ROBO2: variants seen among roughly 807,000 people sequenced by gnomAD.
ROBO2 encodes roundabout homolog 2.
ROBO2 carries 53 observed loss-of-function variants against 160.8 expected under a neutral mutation model. The ratio of observed to expected loss-of-function variants is 0.33; its 90% CI spans 0.26 to 0.41. The LOEUF (loss-of-function observed/expected upper bound fraction) is 0.41. Ranked by LOEUF, ROBO2 falls within the 10% of genes least tolerant of loss-of-function variation. The pLI, the probability that ROBO2 is intolerant of heterozygous loss-of-function variation, is 1.00. For missense variants in ROBO2, 1,577 were observed against 1,722.4 expected (o/e 0.92, Z 1.49); for synonymous variants, 664 against 611.7 (o/e 1.09, Z -1.26).
intron 2 of ROBO2, among the ~76,000 whole-genome samples, chr3:76,056,831 G>T (rs78777563): frequency 0.025 from 3,804 of 152,244 alleles, 142 homozygotes; most frequent in African/African-American, 0.08. Context: ...CCCTATAATA[G>T]AGGAAAGTGT....
rs1203185424 is a variant in ROBO2, at chr3:77,535,554, CA to C, written c.935-10781del. 3.3e-5 allele frequency among the ~76,000 whole-genome samples: 5 copies of C among 152,176 alleles called. No homozygotes were observed. In the East Asian group the frequency reaches 9.7e-4, roughly 29 times the overall value. ...AAAAATGAGATCATTTCTTTACAAA[CA>C]AAGAGTTAATTTCTCTAATAATGAA... On this transcript the variant is annotated intron_variant, in intron 6 of 25. Transcript: ENST00000461745.
chr3:76,090,324 C>T (rs2069179469), intron 2 of ROBO2, among the ~76,000 whole-genome samples: 1 of 151,980 alleles, frequency 6.6e-6, no homozygotes, highest in South Asian at 2.1e-4. Flanking sequence ...TGCCTGTAAT[C>T]CCAGCTGCTC....
At chr3:76,445,733 A>G (rs187703225) in intron 2 of ROBO2, among the ~76,000 whole-genome samples, 135 of 152,334 alleles carry the variant, frequency 8.9e-4, no homozygotes, top group Non-Finnish European at 1.7e-3. Flanking sequence ...GGCTGGTTCA[A>G]CATACGAAAA....
At chr3:76,080,881 C>G (rs543580864) in intron 2 of ROBO2, among the ~76,000 whole-genome samples, 1 of 152,178 alleles carries the variant, frequency 6.6e-6, no homozygotes, top group Non-Finnish European at 1.5e-5. Flanking sequence ...TATTTTTAAT[C>G]CTTGATTTTG....
intron 2 of ROBO2, among the ~76,000 whole-genome samples, chr3:76,746,722 G>A (rs990400763): frequency 2.6e-5 from 4 of 152,066 alleles, no homozygotes; most frequent in Non-Finnish European, 4.4e-5. Flanking sequence ...CGTGTGCCAC[G>A]GTGGTTTGCT....
At chr3:77,077,496 C>T (rs1208527216) in intron 1 of ROBO2, among the ~76,000 whole-genome samples, 3 of 152,100 alleles carry the variant, frequency 2.0e-5, no homozygotes, top group African/African-American at 7.2e-5. Flanking sequence ...AAGTGACCGG[C>T]AAGCCTTGTC....
At chr3:76,980,712 T>C (rs572721207) in intron 2 of ROBO2, among the ~76,000 whole-genome samples, 30 of 152,280 alleles carry the variant, frequency 2.0e-4, no homozygotes, top group African/African-American at 7.2e-4. Flanking sequence ...ATAATTCACA[T>C]GCCAAAAAAC....
Position 77,168,649 on chromosome 3 carries a change from A to G in ROBO2, c.388+70309A>G, listed in dbSNP as rs188449533. On this transcript the variant is annotated intron_variant, in intron 2 of 25. Coordinates refer to ENST00000461745, the Ensembl canonical transcript of ROBO2. ...TAGAGCAGATACCATTCCAGTTTTA[A>G]TTTTTTGCCCCGACTCCTAGTAAGT... Among the ~76,000 whole-genome samples, 523 of 152,192 alleles carry G rather than the reference A, an allele frequency of 3.4e-3. 2 individuals are homozygous for G. The highest frequency in any genetic ancestry group is 0.011 in the South Asian group (53 of 4,808).
At chr3:77,459,041 T>G (rs1210516374) in intron 2 of ROBO2, among the ~76,000 whole-genome samples, 1 of 152,180 alleles carries the variant, frequency 6.6e-6, no homozygotes, top group African/African-American at 2.4e-5. Context: ...TAGACACTGT[T>G]TTATTCCACC....
chr3:77,471,459 ACTGAGGG>A (rs2083339990), intron 2 of ROBO2, among the ~76,000 whole-genome samples: 1 of 152,178 alleles, frequency 6.6e-6, no homozygotes, highest in Non-Finnish European at 1.5e-5. Context: ...GGGTTTTTGG[ACTGAGGG>A]CCTTGGTTTC....
intron 5 of ROBO2, among the ~76,000 whole-genome samples, chr3:77,499,649 C>T (rs1311059024): frequency 2.7e-5 from 4 of 146,510 alleles, no homozygotes; most frequent in Non-Finnish European, 6.0e-5. Context: ...GTATCACTTA[C>T]GCTTTTTTTT....
intron 2 of ROBO2, among the ~76,000 whole-genome samples, chr3:76,691,073 T>C (rs1241228843): frequency 6.6e-6 from 1 of 151,934 alleles, no homozygotes; most frequent in Non-Finnish European, 1.5e-5. Context: ...GAACAATAAT[T>C]AACCAAGAAT....
chr3:77,215,687 G>C (rs937173863), intron 2 of ROBO2, among the ~76,000 whole-genome samples: 1 of 152,046 alleles, frequency 6.6e-6, no homozygotes, highest in Non-Finnish European at 1.5e-5. Flanking sequence ...TTTCTGCTCT[G>C]TTTTTTTCCC....
intron 2 of ROBO2, among the ~76,000 whole-genome samples, chr3:77,393,520 T>C (rs1431489204): frequency 7.4e-6 from 1 of 134,258 alleles, no homozygotes; most frequent in Non-Finnish European, 1.7e-5. Flanking sequence ...AAGTTACTTA[T>C]ATATGTGAAT....
chr3:76,244,148 A>G (rs1298749669), intron 2 of ROBO2, among the ~76,000 whole-genome samples: 3 of 152,332 alleles, frequency 2.0e-5, no homozygotes, highest in African/African-American at 7.2e-5. Flanking sequence ...GAACAAGGCA[A>G]CTGAAGTTTA....
chr3:76,694,885 C>T (rs2092895283), intron 2 of ROBO2, among the ~76,000 whole-genome samples: 1 of 151,980 alleles, frequency 6.6e-6, no homozygotes, highest in Non-Finnish European at 1.5e-5. Flanking sequence ...AGGTGGATCA[C>T]CTGAGGTCAG....
At chr3:77,052,864 G>A (rs935144002) in intron 1 of ROBO2, among the ~76,000 whole-genome samples, 2 of 152,108 alleles carry the variant, frequency 1.3e-5, no homozygotes, top group Admixed American at 6.5e-5. Flanking sequence ...CAATACTCTT[G>A]AGAGTTTACA....
intron 2 of ROBO2, among the ~76,000 whole-genome samples, chr3:76,824,808 C>T (rs2066423012): frequency 6.6e-6 from 1 of 152,144 alleles, no homozygotes; most frequent in East Asian, 1.9e-4. Flanking sequence ...AAAATTCCCA[C>T]TCCCTGCCTC....
chr3:77,022,550 C>T (rs1401511835), intron 2 of ROBO2, among the ~76,000 whole-genome samples: 1 of 152,166 alleles, frequency 6.6e-6, no homozygotes, highest in Admixed American at 6.5e-5. Flanking sequence ...GCCATCCATT[C>T]TTCATCAAAC....
Sources: gnomAD v4.1 joint callset for allele counts (sites outside exome capture counted in the v4.1 genomes callset) on GRCh38, gnomAD v4.1.1 for gene constraint, MANE v1.5 for transcripts, NCBI Gene and HGNC (gene_info 2026-07-23, HGNC 2026-07-21) for gene names.